The following CSMD3 variants were observed in gnomAD, a reference collection of about 807,000 sequenced individuals.
CSMD3 encodes CUB and sushi domain-containing protein 3.
A neutral mutation model predicts 435.2 loss-of-function variants in CSMD3; 177 were observed. The observed-to-expected ratio is 0.41, with a 90% CI of 0.36 to 0.46. The LOEUF (loss-of-function observed/expected upper bound fraction) is 0.46. Among genes scored for constraint, CSMD3 ranks in the 20% least tolerant of loss-of-function variants. CSMD3 has a pLI of 0.34. For missense variants in CSMD3, 4,265 were observed against 4,504.6 expected (o/e 0.95, Z 1.52); for synonymous variants, 1,656 against 1,520.5 (o/e 1.09, Z -2.07).
chr8:112,591,543 T>C (rs1477221793), intron 22 of CSMD3, among the ~76,000 whole-genome samples: 1 of 152,098 alleles, frequency 6.6e-6, no homozygotes, highest in African/African-American at 2.4e-5. Context: ...ACTTCATAGT[T>C]ACTTTTTTAA....
At chr8:113,066,808 GA>G (rs138463856) in intron 5 of CSMD3, among the ~76,000 whole-genome samples, 5 of 151,498 alleles carry the variant, frequency 3.3e-5, no homozygotes, top group African/African-American at 1.2e-4. Context: ...AGTAGAGCTA[GA>G]AAAAAAACAG....
intron 45 of CSMD3, among the ~76,000 whole-genome samples, chr8:112,328,321 C>T (rs542914869): frequency 2.2e-4 from 33 of 152,228 alleles, no homozygotes; most frequent in Admixed American, 3.9e-4. Flanking sequence ...GAAATTAATG[C>T]TACCTTAGTT....
chr8:113,259,440 A>G (rs940184646), intron 3 of CSMD3, among the ~76,000 whole-genome samples: 2 of 152,160 alleles, frequency 1.3e-5, no homozygotes, highest in Non-Finnish European at 2.9e-5. Flanking sequence ...AGAAGCTTGA[A>G]CAATAAGAAT....
At chr8:112,563,553 C>T (rs1336192958) in intron 24 of CSMD3, among the ~76,000 whole-genome samples, 7 of 151,812 alleles carry the variant, frequency 4.6e-5, no homozygotes, top group African/African-American at 1.7e-4. Flanking sequence ...TCCTGTACAT[C>T]ATAGATTTGT....
chr8:112,403,942 A>G (rs1831548793), intron 35 of CSMD3, among the ~76,000 whole-genome samples: 1 of 152,226 alleles, frequency 6.6e-6, no homozygotes, highest in Non-Finnish European at 1.5e-5. Context: ...GTAAGTGTTC[A>G]TTCAACAAAT....
In CSMD3 at chr8:112,506,795, G is replaced by T. The variant is rs145039348; in HGVS notation, c.4791C>A (p.Gly1597=). 120 of 1,613,496 alleles carry T rather than the reference G, an allele frequency of 7.4e-5. No homozygotes were observed. Among genetic ancestry groups the T allele is most frequent in the Non-Finnish European group, 9.6e-5 (113 of 1,179,538 alleles). Residue 1597 remains glycine (G), a synonymous_variant, in exon 29 of 71, where the codon GGC becomes GGA. Coordinates refer to ENST00000297405, the MANE Select transcript of CSMD3 (RefSeq NM_198123.2). The stretch of plus-strand genomic sequence containing the variant: ...GAGGGAAGTTTGGTGAAAGAATAAA[G>T]CCTGAAGATCCTGTTAAATTGCCTC... The part of the protein sequence containing the change: ...PCGGNLTGSS[G]FILSPNFPHP...
chr8:112,485,519 A>C (rs986825458), intron 31 of CSMD3, among the ~76,000 whole-genome samples: 11 of 152,080 alleles, frequency 7.2e-5, no homozygotes, highest in African/African-American at 1.4e-4. Flanking sequence ...TCACACCCCC[A>C]AAAAATTTTG....
At chr8:113,234,581 G>C (rs908324218) in intron 3 of CSMD3, among the ~76,000 whole-genome samples, 2 of 152,106 alleles carry the variant, frequency 1.3e-5, no homozygotes, top group African/African-American at 4.8e-5. Flanking sequence ...AAGAATTCTA[G>C]GGCAATTCTA....
At chr8:113,004,795 AATT>A (rs1249543002) in intron 6 of CSMD3, among the ~76,000 whole-genome samples, 3 of 151,896 alleles carry the variant, frequency 2.0e-5, no homozygotes, top group Non-Finnish European at 4.4e-5. Context: ...AGTATAAATA[AATT>A]ATTTATTTAT....
In CSMD3 at chr8:112,829,714, C is replaced by A; in HGVS notation, c.1831G>T (p.Val611Phe). 6.2e-7 allele frequency: 1 copy of A among 1,612,686 alleles called. No individual in the cohort carries two copies. The highest frequency in any genetic ancestry group is 1.3e-5 in the African/African-American group (1 of 74,996). The change falls in exon 12 of 71, where the codon GTT becomes TTT. Residue 611 changes from valine to phenylalanine, a missense_variant. This residue lies in a region of CSMD3 where 731 missense variants were observed against 755.4 expected (regional missense o/e 0.97). Transcript: ENST00000297405. The stretch of plus-strand genomic sequence containing the variant: ...TGGAGCACTGTCCTAGGATCTCCAA[C>A]TTCGCCCCCATCGCCAATTGTCAAG... ...DTLTIGDGGE[V>F]GDPRTVLQVL... is the part of the protein sequence containing the mutation.
At chr8:112,589,109 A>AT (rs1830966146) in intron 22 of CSMD3, among the ~76,000 whole-genome samples, 1 of 152,196 alleles carries the variant, frequency 6.6e-6, no homozygotes, top group Non-Finnish European at 1.5e-5. Flanking sequence ...CTGACACAAT[A>AT]TTTTTCAATT....
At chr8:112,670,606 A>G (rs2075633781) in intron 16 of CSMD3, among the ~76,000 whole-genome samples, 1 of 152,176 alleles carries the variant, frequency 6.6e-6, no homozygotes, top group Non-Finnish European at 1.5e-5. Context: ...AATCAAAAGC[A>G]TTTATTGACG....
At chr8:113,271,367 G>A (rs185229109) in intron 3 of CSMD3, among the ~76,000 whole-genome samples, 72 of 152,130 alleles carry the variant, frequency 4.7e-4, no homozygotes, top group African/African-American at 1.5e-3. Flanking sequence ...AGAAAAAAAC[G>A]GTTTCTTTGA....
Position 113,057,402 on chromosome 8 carries a change from C to T in CSMD3, c.918-38223G>A, listed in dbSNP as rs575988295. ...AAAAGAATGTTTAGTATCAATTTATCTTTAAGAAAAGAAAATTTAACTCTT... is the reference window on the plus strand; with the variant it reads ...AAAAGAATGTTTAGTATCAATTTATTTTTAAGAAAAGAAAATTTAACTCTT... On this transcript the variant is annotated intron_variant, in intron 5 of 70. Coordinates refer to ENST00000297405, the MANE Select transcript of CSMD3 (RefSeq NM_198123.2). Among the ~76,000 whole-genome samples the T allele has an allele frequency of 8.3e-4, 126 of 151,898 alleles. 1 individual carries two copies. The highest frequency in any genetic ancestry group is 2.8e-3 in the African/African-American group (117 of 41,278).
At chr8:113,157,041 C>CA (rs1360788720) in intron 4 of CSMD3, among the ~76,000 whole-genome samples, 1 of 98,282 alleles carries the variant, frequency 1.0e-5, no homozygotes, top group Admixed American at 1.1e-4. Flanking sequence ...AGTTTACTAA[C>CA]AAAAATAAAA....
At chr8:113,052,198 T>C (rs916350358) in intron 5 of CSMD3, among the ~76,000 whole-genome samples, 2 of 152,226 alleles carry the variant, frequency 1.3e-5, no homozygotes, top group African/African-American at 4.8e-5. Context: ...GGGAATTAGA[T>C]GTATCTGTGA....
chr8:112,577,721 A>G (rs16883852), intron 23 of CSMD3, among the ~76,000 whole-genome samples: 2,933 of 152,180 alleles, frequency 0.019, 108 homozygotes, highest in African/African-American at 0.066. Flanking sequence ...TTTGTAATAA[A>G]TCTAGGCCTG....
At chr8:112,989,526 A>T (rs575688940) in intron 6 of CSMD3, among the ~76,000 whole-genome samples, 3 of 152,158 alleles carry the variant, frequency 2.0e-5, no homozygotes, top group South Asian at 4.1e-4. Flanking sequence ...CATGGGAGAT[A>T]ACGTGAACAA....
chr8:112,400,399 T>C (rs1809283523), intron 35 of CSMD3, among the ~76,000 whole-genome samples: 1 of 152,106 alleles, frequency 6.6e-6, no homozygotes, highest in Non-Finnish European at 1.5e-5. Context: ...AATTTTTACA[T>C]AAAAAATTGG....
Sources: gnomAD v4.1 joint callset for allele counts (sites outside exome capture counted in the v4.1 genomes callset) on GRCh38, gnomAD v4.1.1 for gene constraint, gnomAD v4.1.1 regional missense constraint, MANE v1.5 for transcripts, NCBI Gene and HGNC (gene_info 2026-07-23, HGNC 2026-07-21) for gene names.